The following SORCS1 variants were observed in gnomAD, a reference collection of about 807,000 sequenced individuals.
The protein encoded by SORCS1 is VPS10 domain-containing receptor SorCS1.
SORCS1 carries 60 observed loss-of-function variants against 146.1 expected under a neutral mutation model. That is an observed-to-expected ratio of 0.41 (90% confidence interval 0.33 to 0.51). The LOEUF (loss-of-function observed/expected upper bound fraction) is 0.51. Ranked by LOEUF, SORCS1 falls within the 20% of genes least tolerant of loss-of-function variation. SORCS1 has a pLI of 0.21. For synonymous variants in SORCS1, 637 were observed against 584.0 expected (o/e 1.09, Z -1.31); for missense variants, 1,352 against 1,487.6 (o/e 0.91, Z 1.50).
intron 18 of SORCS1, among the ~76,000 whole-genome samples, chr10:106,631,570 A>G (rs1193518703): frequency 9.2e-5 from 14 of 152,182 alleles, no homozygotes. Flanking sequence ...CAAGGAATGC[A>G]GTTTCCACTA....
At chr10:107,086,386 G>A (rs189538350) in intron 1 of SORCS1, among the ~76,000 whole-genome samples, 15 of 152,244 alleles carry the variant, frequency 9.9e-5, no homozygotes, top group Non-Finnish European at 2.1e-4. Context: ...ATAACTAAGA[G>A]AAGTTACTAC....
chr10:106,834,694 A>G (rs1360864207), intron 2 of SORCS1, among the ~76,000 whole-genome samples: 1 of 152,254 alleles, frequency 6.6e-6, no homozygotes, highest in Non-Finnish European at 1.5e-5. Context: ...AAACAAAAAA[A>G]GGAAAGGATC....
chr10:106,721,065 T>C (rs1336987107), intron 6 of SORCS1, among the ~76,000 whole-genome samples: 2 of 150,788 alleles, frequency 1.3e-5, no homozygotes, highest in Non-Finnish European at 2.9e-5. Context: ...GGGGTCAGAA[T>C]AACACTGCTA....
chr10:106,667,355 C>A, intron 17 of SORCS1: 1 of 220,300 alleles, frequency 4.5e-6, no homozygotes, highest in Non-Finnish European at 9.0e-6. Context: ...TGGCCTTCCT[C>A]ATCATGGATA....
At position 107,124,952 on chromosome 10, in the gene SORCS1, T is replaced by G. The variant is rs566022697; in HGVS notation, c.558+39017A>C. On this transcript the variant is annotated intron_variant, in intron 1 of 25. Transcript: ENST00000263054. ...TTCTTTTCTTTCTTTCTTTTCTTTT[T>G]CTTTTTTTTTTTTTTTTTTGAGATG... Among the ~76,000 whole-genome samples the G allele has an allele frequency of 5.7e-5, 8 of 139,814 alleles. No individual in the cohort carries two copies. The South Asian group carries it at 1.7e-3, about 30-fold the overall frequency. The allele number at this position is 139,814 out of a possible 152,430, so 91.7% of individuals were successfully genotyped here.
intron 23 of SORCS1, among the ~76,000 whole-genome samples, chr10:106,606,805 A>T (rs1275410939): frequency 7.9e-5 from 12 of 152,164 alleles, no homozygotes; most frequent in Admixed American, 7.9e-4. Flanking sequence ...GAGTTCTCAC[A>T]AGATCTGATG....
chr10:107,014,050 C>T lies in SORCS1; in HGVS notation c.559-57470G>A, dbSNP rs185393472. 1.8e-4 allele frequency among the ~76,000 whole-genome samples: 27 copies of T among 151,998 alleles called. No homozygotes were observed. In the East Asian group the frequency reaches 4.3e-3, roughly 24 times the overall value. On this transcript the variant is annotated intron_variant, in intron 1 of 25. Transcript: ENST00000263054. Reference sequence around the variant, plus strand: ...CAGGCAGATCACAAGGACAAGAGATCGAGATCATCCTGGCCAACATGGTGA... The same window carrying T: ...CAGGCAGATCACAAGGACAAGAGATTGAGATCATCCTGGCCAACATGGTGA...
intron 2 of SORCS1, among the ~76,000 whole-genome samples, chr10:106,895,479 C>T (rs112628957): frequency 0.04 from 6,024 of 152,096 alleles, 397 homozygotes; most frequent in African/African-American, 0.14. Context: ...GGCATGGTGG[C>T]GTGCACCTGC....
chr10:106,623,281 C>T (rs946348784), intron 19 of SORCS1, among the ~76,000 whole-genome samples: 2 of 143,922 alleles, frequency 1.4e-5, no homozygotes, highest in African/African-American at 2.6e-5. Flanking sequence ...CTCACTCTGT[C>T]GCTCAGGCTG....
chr10:107,020,739 G>T (rs1024211844), intron 1 of SORCS1, among the ~76,000 whole-genome samples: 4 of 152,122 alleles, frequency 2.6e-5, no homozygotes, highest in Admixed American at 2.6e-4. Flanking sequence ...TGGAGGCTAT[G>T]AAAAATTTCA....
At chr10:106,957,165 G>GTTTTTTTTTTTTTTTTTTTTTTTT (rs374081494) in intron 1 of SORCS1, among the ~76,000 whole-genome samples, 3 of 138,038 alleles carry the variant, frequency 2.2e-5, no homozygotes, top group Non-Finnish European at 3.0e-5. Flanking sequence ...GTTTTTTTTT[G>GTTTTTTTTTTTTTTTTTTTTTTTT]TTTTTTTTGT....
At chr10:106,740,449 A>G (rs945436448) in intron 5 of SORCS1, among the ~76,000 whole-genome samples, 2 of 152,162 alleles carry the variant, frequency 1.3e-5, no homozygotes, top group African/African-American at 4.8e-5. Flanking sequence ...GTGTAGTTCT[A>G]GACATTAGGG....
intron 18 of SORCS1, among the ~76,000 whole-genome samples, chr10:106,645,048 AGTCCCAAATGGCAGTATGTATC>A (rs1310260816): frequency 6.6e-6 from 1 of 152,214 alleles, no homozygotes; most frequent in Non-Finnish European, 1.5e-5. Flanking sequence ...ATGTCAAACA[AGTCCCAAATGGCAGTATGTATC>A]TACACTCCAA....
At chr10:107,107,703 G>A (rs570570919) in intron 1 of SORCS1, among the ~76,000 whole-genome samples, 7 of 152,326 alleles carry the variant, frequency 4.6e-5, no homozygotes, top group South Asian at 2.1e-4. Flanking sequence ...AGGGGAGCCC[G>A]ATATTCAGTA....
At chr10:107,168,902 T>C (rs1191490484), upstream of SORCS1, among the ~76,000 whole-genome samples, 1 of 152,184 alleles carries the variant, frequency 6.6e-6, no homozygotes, top group Non-Finnish European at 1.5e-5. Flanking sequence ...TGTCAGGCAC[T>C]CTAATTGGCT....
intron 15 of SORCS1, 146 bp from the exon 16 acceptor site, chr10:106,671,513 T>G (rs1851601803): frequency 6.9e-6 from 8 of 1,151,234 alleles, no homozygotes; most frequent in Non-Finnish European, 9.9e-6. Context: ...ATTTTCCTTT[T>G]GCGGTCTAGA....
chr10:106,878,649 T>TATACATGTA (rs1491300730), intron 2 of SORCS1, among the ~76,000 whole-genome samples: 1 of 137,866 alleles, frequency 7.3e-6, no homozygotes, highest in African/African-American at 2.7e-5. Flanking sequence ...TATATATATA[T>TATACATGTA]TTTATAGCAG....
chr10:106,577,415 TTTCC>T lies in SORCS1; in HGVS notation c.*1_*4del. ...CAGGTCGCCTGTAGCCTTTGGGGGT[TTTCC>T]TTAAATTGCATACTGTGCCCCAGCA... On this transcript the variant is annotated 3_prime_UTR_variant, in exon 26 of 26. Transcript: ENST00000263054. 1 of 1,613,912 alleles carries T rather than the reference TTTCC, an allele frequency of 6.2e-7. No individual in the cohort carries two copies. The highest frequency in any genetic ancestry group is 8.5e-7 in the Non-Finnish European group (1 of 1,179,846).
intron 1 of SORCS1, among the ~76,000 whole-genome samples, chr10:106,993,798 G>A (rs574615862): frequency 3.9e-4 from 59 of 152,122 alleles, no homozygotes; most frequent in African/African-American, 1.3e-3. Context: ...ATGAGGCCAG[G>A]TGCCGTAGTT....
Sources: gnomAD v4.1 joint callset for allele counts (sites outside exome capture counted in the v4.1 genomes callset) on GRCh38, gnomAD v4.1.1 for gene constraint, MANE v1.5 for transcripts, NCBI Gene and HGNC (gene_info 2026-07-23, HGNC 2026-07-21) for gene names.